SPATS2: variants seen among roughly 807,000 people sequenced by gnomAD.
The protein encoded by SPATS2 is spermatogenesis-associated serine-rich protein 2.
SPATS2 carries 38 observed loss-of-function variants against 63.7 expected under a neutral mutation model. The ratio of observed to expected loss-of-function variants is 0.60; its 90% CI spans 0.46 to 0.78. The LOEUF is 0.78. Among genes scored for constraint, SPATS2 ranks in the 30% least tolerant of loss-of-function variants. SPATS2 has a pLI of 0.00. For synonymous variants in SPATS2, 207 were observed against 232.9 expected (o/e 0.89, Z 1.01); for missense variants, 588 against 666.2 (o/e 0.88, Z 1.29).
intron 10 of SPATS2, among the ~76,000 whole-genome samples, chr12:49,516,153 AAAAAAAAAAAAAAATATATATATAT>A (rs1946837400): frequency 2.3e-5 from 1 of 43,758 alleles, no homozygotes; most frequent in African/African-American, 9.0e-5. Context: ...AAAAAAAAAA[AAAAAAAAAAAAAAATATATATATAT>A]ATATATATAT....
At chr12:49,451,482 T>C (rs1945622487) in intron 2 of SPATS2, among the ~76,000 whole-genome samples, 1 of 152,342 alleles carries the variant, frequency 6.6e-6, no homozygotes, top group East Asian at 1.9e-4. Context: ...TTGTTATTAA[T>C]CTTGTATTAC....
At chr12:49,439,760 G>T (rs978111416) in intron 2 of SPATS2, among the ~76,000 whole-genome samples, 13 of 152,176 alleles carry the variant, frequency 8.5e-5, no homozygotes, top group Non-Finnish European at 1.2e-4. Flanking sequence ...GGTATCCACT[G>T]ATGCTGGGAA....
At chr12:49,381,466 T>G (rs957992481) in intron 2 of SPATS2, among the ~76,000 whole-genome samples, 1 of 152,220 alleles carries the variant, frequency 6.6e-6, no homozygotes, top group African/African-American at 2.4e-5. Context: ...TGTTGATACT[T>G]TGCTTTTAAT....
intron 3 of SPATS2, among the ~76,000 whole-genome samples, chr12:49,479,231 G>A (rs978741817): frequency 2.6e-5 from 4 of 152,334 alleles, no homozygotes; most frequent in Admixed American, 2.0e-4. Flanking sequence ...CACTACCCGA[G>A]TATGCTGGAC....
intron 9 of SPATS2, among the ~76,000 whole-genome samples, chr12:49,500,926 A>AGT (rs1946556798): frequency 6.6e-6 from 1 of 152,012 alleles, no homozygotes; most frequent in African/African-American, 2.4e-5. Flanking sequence ...ACTCCAATAA[A>AGT]GTGCCCTTTT....
intron 5 of SPATS2, among the ~76,000 whole-genome samples, chr12:49,489,867 A>G (rs762411925): frequency 6.6e-6 from 1 of 152,238 alleles, no homozygotes; most frequent in Non-Finnish European, 1.5e-5. Context: ...CTTGGGTTGA[A>G]TAAGAATTTA....
chr12:49,444,820 T>G (rs1945483361), intron 2 of SPATS2, among the ~76,000 whole-genome samples: 1 of 152,082 alleles, frequency 6.6e-6, no homozygotes, highest in Non-Finnish European at 1.5e-5. Context: ...GCCAGGCCAG[T>G]CTTGAACTCC....
intron 2 of SPATS2, among the ~76,000 whole-genome samples, chr12:49,399,327 T>C (rs1262259195): frequency 6.6e-6 from 1 of 152,192 alleles, no homozygotes; most frequent in Non-Finnish European, 1.5e-5. Flanking sequence ...TTTATCTCCA[T>C]TTCTGTAATA....
At chr12:49,414,489 A>G (rs976467861) in intron 2 of SPATS2, among the ~76,000 whole-genome samples, 30 of 152,246 alleles carry the variant, frequency 2.0e-4, no homozygotes, top group African/African-American at 7.2e-4. Context: ...AGCCTAAAAT[A>G]TTTATCTGGT....
chr12:49,433,222 G>A (rs1171177488), intron 2 of SPATS2, among the ~76,000 whole-genome samples: 1 of 152,182 alleles, frequency 6.6e-6, no homozygotes, highest in Non-Finnish European at 1.5e-5. Context: ...GAGTGCAGTT[G>A]CGTGATCTCA....
chr12:49,449,404 C>T (rs917248872), intron 2 of SPATS2, among the ~76,000 whole-genome samples: 15 of 152,042 alleles, frequency 9.9e-5, no homozygotes, highest in African/African-American at 3.6e-4. Context: ...TTAGTAGAAA[C>T]GGGGTTTCAC....
At chr12:49,403,751 G>A (rs1189433068) in intron 2 of SPATS2, among the ~76,000 whole-genome samples, 2 of 152,100 alleles carry the variant, frequency 1.3e-5, no homozygotes, top group Non-Finnish European at 2.9e-5. Flanking sequence ...GGAAATGACA[G>A]CAAGATTATA....
At chr12:49,381,231 A>G (rs1489480953) in intron 2 of SPATS2, among the ~76,000 whole-genome samples, 1 of 152,142 alleles carries the variant, frequency 6.6e-6, no homozygotes, top group Non-Finnish European at 1.5e-5. Flanking sequence ...CCAATTTCAA[A>G]TTGGCTTGTC....
chr12:49,448,712 C>CAAA (rs780015868), intron 2 of SPATS2, among the ~76,000 whole-genome samples: 5 of 58,174 alleles, frequency 8.6e-5, no homozygotes, highest in South Asian at 6.0e-4. Flanking sequence ...GACCCTGTCT[C>CAAA]AAAAAAAAAA....
At chr12:49,476,992 C>G (rs1399751359) in intron 3 of SPATS2, among the ~76,000 whole-genome samples, 1 of 151,924 alleles carries the variant, frequency 6.6e-6, no homozygotes, top group Non-Finnish European at 1.5e-5. Context: ...ATAATCCCAG[C>G]TACTTGGGAG....
At position 49,445,216 on chromosome 12, in the gene SPATS2, T is replaced by G. The variant is rs188095045; in HGVS notation, c.-243-15554T>G. ...GAAGAAAATATTTTGTGTTTTATTA[T>G]GGAGTATGATATTAGTTGTAGGTTT... On this transcript the variant is annotated intron_variant, in intron 2 of 13. Transcript: ENST00000552918. Among the ~76,000 whole-genome samples the G allele has an allele frequency of 5.0e-3, 757 of 152,300 alleles. 2 individuals are homozygous for G. Among genetic ancestry groups the G allele is most frequent in the Non-Finnish European group, 8.6e-3 (588 of 68,018 alleles).
chr12:49,485,580 G>A (rs1032112704), intron 4 of SPATS2, among the ~76,000 whole-genome samples: 3 of 151,566 alleles, frequency 2.0e-5, no homozygotes, highest in East Asian at 1.9e-4. Context: ...CAGGGTGATC[G>A]CAAACTCCTG....
At position 49,461,147 on chromosome 12, in the gene SPATS2, G is replaced by T. The variant is rs529548672; in HGVS notation, c.25+110G>T. ...TAATGTGTTTTGAATGGTTTTACAA[G>T]TATTTATGGATATTAGATTATCGCT... On this transcript the variant is annotated intron_variant, in intron 3 of 13. Transcript: ENST00000552918. The T allele has an allele frequency of 2.2e-5, 25 of 1,119,666 alleles. No homozygotes were observed. In the African/African-American group the frequency reaches 3.3e-4, roughly 15 times the overall value. The allele number at this position is 1,119,666 out of a possible 1,614,324, so 69.4% of individuals were successfully genotyped here.
At chr12:49,478,746 T>C (rs1459574638) in intron 3 of SPATS2, among the ~76,000 whole-genome samples, 1 of 152,204 alleles carries the variant, frequency 6.6e-6, no homozygotes, top group Non-Finnish European at 1.5e-5. Context: ...CTGGTCTTTC[T>C]TTGGCCATGG....
Sources: gnomAD v4.1 joint callset for allele counts (sites outside exome capture counted in the v4.1 genomes callset) on GRCh38, gnomAD v4.1.1 for gene constraint, MANE v1.5 for transcripts, NCBI Gene and HGNC (gene_info 2026-07-23, HGNC 2026-07-21) for gene names.